Variants in OSBPL9 observed in about 807,000 individuals in gnomAD.
OSBPL9 encodes oxysterol binding protein like 9.
In OSBPL9, 40 loss-of-function variants were observed where a neutral mutation model predicts 106.6. The ratio of observed to expected loss-of-function variants is 0.38; its 90% CI spans 0.29 to 0.49. OSBPL9 has a LOEUF of 0.49. OSBPL9 is among the 20% of genes least tolerant of loss of function. The pLI, the probability that OSBPL9 is intolerant of heterozygous loss-of-function variation, is 0.97. For missense variants in OSBPL9, 609 were observed against 887.2 expected, an observed-to-expected ratio of 0.69 and a Z score of 3.98; for synonymous variants, 269 against 295.4, an observed-to-expected ratio of 0.91 and a Z score of 0.92.
chr1:51,652,720 A>G (rs573941846), intron 2 of OSBPL9, among the ~76,000 whole-genome samples: 152 of 152,364 alleles, frequency 1.0e-3, no homozygotes, highest in African/African-American at 3.4e-3. Flanking sequence ...AAGGGGATCA[A>G]TAGCCACATG....
chr1:51,530,188 A>AAAAAAAAAAAAAAAAAAC, the OSBPL9 span, among the ~76,000 whole-genome samples: 2 of 95,406 alleles, frequency 2.1e-5, no homozygotes, highest in African/African-American at 5.1e-5. Flanking sequence ...AAAAAAAAAA[A>AAAAAAAAAAAAAAAAAAC]AAAACAAAAA....
At chr1:51,548,246 TG>T in the OSBPL9 span, among the ~76,000 whole-genome samples, 1 of 152,126 alleles carries the variant, frequency 6.6e-6, no homozygotes, top group African/African-American at 2.4e-5. Flanking sequence ...AATTTCTTTT[TG>T]TTTGGTTTGG....
At chr1:51,782,168 A>G (rs1195318133) in intron 16 of OSBPL9, among the ~76,000 whole-genome samples, 1 of 152,196 alleles carries the variant, frequency 6.6e-6, no homozygotes, top group Non-Finnish European at 1.5e-5. Context: ...AGTAAAAAAA[A>G]CAAAACCATA....
chr1:51,754,697 T>C (rs1266814237), intron 8 of OSBPL9, among the ~76,000 whole-genome samples: 1 of 152,230 alleles, frequency 6.6e-6, no homozygotes, highest in Non-Finnish European at 1.5e-5. Context: ...ATTTTAATAA[T>C]GTATGTTAGT....
intron 1 of OSBPL9, among the ~76,000 whole-genome samples, chr1:51,582,371 A>G (rs140746790): frequency 0.01 from 1,551 of 152,326 alleles, 14 homozygotes; most frequent in Middle Eastern, 0.085. Flanking sequence ...TCTGTTACCC[A>G]GGCTGGAGTG....
chr1:51,720,215 A>C (rs1661821997), intron 4 of OSBPL9, among the ~76,000 whole-genome samples: 1 of 152,240 alleles, frequency 6.6e-6, no homozygotes, highest in Non-Finnish European at 1.5e-5. Flanking sequence ...ATAGGCTATC[A>C]GGAATGAAAA....
At chr1:51,735,202 G>A (rs1665386912) in intron 4 of OSBPL9, among the ~76,000 whole-genome samples, 1 of 152,168 alleles carries the variant, frequency 6.6e-6, no homozygotes, top group Non-Finnish European at 1.5e-5. Context: ...ATGCTTTGAG[G>A]CAATTCTGGC....
chr1:51,659,349 A>G (rs957064323), intron 2 of OSBPL9, among the ~76,000 whole-genome samples: 3 of 152,108 alleles, frequency 2.0e-5, no homozygotes, highest in African/African-American at 7.2e-5. Context: ...TGATAATAGA[A>G]ATTGTGAAAT....
In OSBPL9 at chr1:51,756,374, T is replaced by C. The variant is rs1241273336; in HGVS notation, c.582+16T>C. The C allele has an allele frequency of 1.2e-6, 2 of 1,610,164 alleles. No individual in the cohort carries two copies. Among genetic ancestry groups the C allele is most frequent in the Admixed American group, 1.7e-5 (1 of 59,766 alleles). On this transcript the variant is annotated intron_variant, in intron 9 of 23. Coordinates refer to ENST00000428468, the MANE Select transcript of OSBPL9 (RefSeq NM_024586.6). ...TGGAATGATAGTAAGTTTAATGTAA[T>C]CTTTTTGTTTCCCTTTACTTCTGCA...
intron 8 of OSBPL9, among the ~76,000 whole-genome samples, chr1:51,750,819 T>A (rs72898095): frequency 6.6e-6 from 1 of 152,218 alleles, no homozygotes; most frequent in African/African-American, 2.4e-5. Flanking sequence ...TCTACCTCAC[T>A]ACACCCCTTT....
At chr1:51,634,186 T>C (rs951434703) in intron 1 of OSBPL9, among the ~76,000 whole-genome samples, 1 of 152,202 alleles carries the variant, frequency 6.6e-6, no homozygotes, top group Non-Finnish European at 1.5e-5. Context: ...AATCTTGTTA[T>C]TCTGGGCCCT....
the OSBPL9 span, among the ~76,000 whole-genome samples, chr1:51,557,033 T>A: frequency 3.2e-4 from 48 of 151,988 alleles, no homozygotes; most frequent in African/African-American, 1.2e-3. Flanking sequence ...CTGATGTGAT[T>A]ATTACAAGTT....
chr1:51,558,406 A>G, the OSBPL9 span, among the ~76,000 whole-genome samples: 1 of 152,198 alleles, frequency 6.6e-6, no homozygotes, highest in Admixed American at 6.5e-5. Context: ...ATGCAGCCAG[A>G]GGCCACCTCC....
At position 51,597,459 on chromosome 1, in the gene OSBPL9, G is replaced by GTGTA. The variant is rs1553149035; in HGVS notation, c.-422-664_-422-663insGTAT. On this transcript the variant is annotated intron_variant, in intron 1 of 25. Transcript: ENST00000371714. ...TGTGTGTGTGTGTGTGTGTGTGTGT[G>GTGTA]TATATACACACACACACAAAGGATA... is the stretch of plus-strand genomic sequence containing the variant. 8.7e-4 allele frequency among the ~76,000 whole-genome samples: 116 copies of GTGTA among 132,980 alleles called. 1 individual carries two copies. The highest frequency in any genetic ancestry group is 1.6e-3 in the African/African-American group (61 of 37,350). 87.2% of individuals were successfully genotyped at this position (132,980 alleles called of 152,430 possible).
In OSBPL9 at chr1:51,787,981, T is replaced by TAG. The variant is rs769208986; in HGVS notation, c.*193_*194insGA. On this transcript the variant is annotated 3_prime_UTR_variant, in exon 24 of 24. Coordinates refer to ENST00000428468, the MANE Select transcript of OSBPL9 (RefSeq NM_024586.6). ...GCTTCCCTTTTCCCTCTGTGGCAGT[T>TAG]ACGATTTTGACTTCAGTCCTGAGAA... The TAG allele has an allele frequency of 1.8e-6, 1 of 564,140 alleles. No homozygotes were observed. The highest frequency in any genetic ancestry group is 3.1e-6 in the Non-Finnish European group (1 of 322,742). 34.9% of individuals were successfully genotyped at this position (564,140 alleles called of 1,614,324 possible).
intron 1 of OSBPL9, among the ~76,000 whole-genome samples, chr1:51,627,006 TTTTG>T (rs1379187905): frequency 2.0e-5 from 3 of 152,172 alleles, no homozygotes; most frequent in Non-Finnish European, 4.4e-5. Context: ...GTCATGGTTT[TTTTG>T]TTTGTTTATT....
chr1:51,591,280 C>T (rs2148601449), intron 1 of OSBPL9, among the ~76,000 whole-genome samples: 1 of 152,198 alleles, frequency 6.6e-6, no homozygotes. Context: ...CTATGTTGCT[C>T]AGGCTGGTCT....
the OSBPL9 span, among the ~76,000 whole-genome samples, chr1:51,571,621 C>A: frequency 2.0e-5 from 3 of 152,124 alleles, no homozygotes; most frequent in Admixed American, 6.5e-5. Flanking sequence ...GAGCTACGAT[C>A]ACACCATTGC....
the OSBPL9 span, among the ~76,000 whole-genome samples, chr1:51,548,538 C>T: frequency 6.6e-6 from 1 of 151,772 alleles, no homozygotes; most frequent in Middle Eastern, 3.4e-3. Flanking sequence ...TACAAACATG[C>T]TCCACGATGC....
Sources: gnomAD v4.1 joint callset for allele counts (sites outside exome capture counted in the v4.1 genomes callset) on GRCh38, gnomAD v4.1.1 for gene constraint, MANE v1.5 for transcripts, NCBI Gene and HGNC (gene_info 2026-07-23, HGNC 2026-07-21) for gene names.